Variants in ASB15 observed in about 807,000 individuals in gnomAD.
The protein encoded by ASB15 is ankyrin repeat and SOCS box containing 15, also known as ankyrin repeat and SOCS box protein 15.
ASB15 carries 54 observed loss-of-function variants against 58.0 expected under a neutral mutation model. The observed-to-expected ratio is 0.93, with a 90% CI of 0.75 to 1.17. The LOEUF is 1.17. Ranked by LOEUF, ASB15 falls within the 50% of genes most tolerant of loss-of-function variation. The pLI is 0.00. For synonymous variants in ASB15, 249 were observed against 262.4 expected, an observed-to-expected ratio of 0.95 and a Z score of 0.50; for missense variants, 680 against 707.4, an observed-to-expected ratio of 0.96 and a Z score of 0.44.
Position 123,627,147 on chromosome 7 carries a change from G to C in ASB15, c.735G>C (p.Ser245=), listed in dbSNP as rs201426063. 2 of 1,613,838 alleles carry C rather than the reference G, an allele frequency of 1.2e-6. No individual in the cohort carries two copies. The highest frequency in any genetic ancestry group is 2.2e-5 in the East Asian group (1 of 44,868). The part of the protein sequence containing the change: ...DVLALADDGA[S]VLFEAAGGGN... Reference sequence around the variant, plus strand: ...TTGCTTTGGCGGATGATGGGGCGTCGGTGCTGTTTGAGGCAGCAGGAGGTG... The same window carrying C: ...TTGCTTTGGCGGATGATGGGGCGTCCGTGCTGTTTGAGGCAGCAGGAGGTG... The change falls in exon 9 of 12, where the codon TCG becomes TCC. Residue 245 remains serine (S), a synonymous_variant. Transcript: ENST00000451215.
At chr7:123,569,137 C>T (rs921866667) in intron 1 of ASB15, among the ~76,000 whole-genome samples, 1 of 152,204 alleles carries the variant, frequency 6.6e-6, no homozygotes, top group East Asian at 1.9e-4. Flanking sequence ...ATTCTGGGGA[C>T]CTGTCAGTAA....
intron 1 of ASB15, among the ~76,000 whole-genome samples, chr7:123,587,389 A>G (rs1584736855): frequency 6.6e-6 from 1 of 151,448 alleles, no homozygotes; most frequent in East Asian, 1.9e-4. Flanking sequence ...CTGTAGGTTA[A>G]TTTTGTATCC....
intron 1 of ASB15, among the ~76,000 whole-genome samples, chr7:123,578,791 TTAAAC>T (rs1468911285): frequency 2.6e-5 from 4 of 152,172 alleles, no homozygotes; most frequent in Non-Finnish European, 5.9e-5. Context: ...ATTGCTATCT[TTAAAC>T]TATTTTATAA....
chr7:123,570,969 T>A (rs915078401), intron 1 of ASB15, among the ~76,000 whole-genome samples: 6 of 152,200 alleles, frequency 3.9e-5, no homozygotes, highest in Non-Finnish European at 5.9e-5. Context: ...ATGCCAATAT[T>A]TCCATCTGTA....
At chr7:123,568,820 T>C (rs971741219) in intron 1 of ASB15, among the ~76,000 whole-genome samples, 9 of 152,156 alleles carry the variant, frequency 5.9e-5, no homozygotes, top group Non-Finnish European at 1.5e-5. Flanking sequence ...ATGAATACCT[T>C]AACATAATTT....
Position 123,628,896 on chromosome 7 carries a change from A to G in ASB15, c.902A>G (p.Lys301Arg). Residue 301 changes from lysine (K) to arginine (R), a missense_variant, in exon 10 of 12, where the codon AAA becomes AGA. Transcript: ENST00000451215. ...ALKYLIPVTSKNAIRKSGLTP... is the reference protein window; with the variant it reads ...ALKYLIPVTSRNAIRKSGLTP... Reference sequence around the variant, plus strand: ...AAATATCTTATCCCAGTAACATCTAAAAATGCAATTCGGAAAAGTGGGCTA... The same window carrying G: ...AAATATCTTATCCCAGTAACATCTAGAAATGCAATTCGGAAAAGTGGGCTA... 1.3e-6 allele frequency: 2 copies of G among 1,564,658 alleles called. No individual in the cohort carries two copies. Among genetic ancestry groups the G allele is most frequent in the Non-Finnish European group, 8.6e-7 (1 of 1,156,908 alleles).
chr7:123,577,616 G>A (rs1252035136), intron 1 of ASB15, among the ~76,000 whole-genome samples: 2 of 151,996 alleles, frequency 1.3e-5, no homozygotes, highest in Non-Finnish European at 1.5e-5. Flanking sequence ...CCAAAATGTG[G>A]TCCTCTTAGA....
At chr7:123,601,035 C>T (rs574709947), upstream of ASB15, among the ~76,000 whole-genome samples, 5 of 152,060 alleles carry the variant, frequency 3.3e-5, no homozygotes, top group African/African-American at 1.2e-4. Flanking sequence ...GTCACTGAGA[C>T]CTGCAAAACG....
At chr7:123,582,763 C>T (rs984970865) in intron 1 of ASB15, among the ~76,000 whole-genome samples, 1 of 152,086 alleles carries the variant, frequency 6.6e-6, no homozygotes, top group Middle Eastern at 3.4e-3. Flanking sequence ...TTTTGATCAT[C>T]TATTCATCCC....
chr7:123,584,464 C>G (rs1562911547), intron 1 of ASB15, among the ~76,000 whole-genome samples: 1 of 151,926 alleles, frequency 6.6e-6, no homozygotes, highest in Non-Finnish European at 1.5e-5. Flanking sequence ...AACAACTGCT[C>G]TATGGAAGTC....
intron 1 of ASB15, among the ~76,000 whole-genome samples, chr7:123,585,729 G>A (rs568733121): frequency 1.3e-5 from 2 of 151,398 alleles, no homozygotes; most frequent in South Asian, 4.2e-4. Flanking sequence ...ATTAACTATA[G>A]TTACCATGCT....
chr7:123,591,913 T>A (rs1799549788), intron 1 of ASB15, among the ~76,000 whole-genome samples: 1 of 152,256 alleles, frequency 6.6e-6, no homozygotes, highest in Non-Finnish European at 1.5e-5. Flanking sequence ...AATTTGGCTG[T>A]GAATCCTTCT....
At chr7:123,602,341 C>T (rs921203087) in intron 1 of ASB15, among the ~76,000 whole-genome samples, 2 of 151,870 alleles carry the variant, frequency 1.3e-5, no homozygotes, top group Non-Finnish European at 2.9e-5. Flanking sequence ...ATGCTTTCTG[C>T]CCAGATTGAA....
intron 1 of ASB15, among the ~76,000 whole-genome samples, chr7:123,572,510 T>C (rs568478197): frequency 6.6e-6 from 1 of 152,144 alleles, no homozygotes; most frequent in South Asian, 2.1e-4. Context: ...ATATATTTTA[T>C]GTTCTTTTCA....
At chr7:123,618,631 CAGG>C (rs1427331664) in intron 7 of ASB15, among the ~76,000 whole-genome samples, 1 of 151,684 alleles carries the variant, frequency 6.6e-6, no homozygotes, top group Non-Finnish European at 1.5e-5. Context: ...GGAGCAGGAG[CAGG>C]AGGAGAGGGA....
intron 1 of ASB15, among the ~76,000 whole-genome samples, chr7:123,570,257 A>C (rs574316064): frequency 5.8e-4 from 88 of 151,908 alleles, no homozygotes; most frequent in African/African-American, 1.9e-3. Flanking sequence ...AGGATGGTCT[A>C]GATCTCCTGA....
At chr7:123,568,043 C>T (rs147453741) in intron 1 of ASB15, among the ~76,000 whole-genome samples, 75 of 152,146 alleles carry the variant, frequency 4.9e-4, no homozygotes, top group African/African-American at 1.7e-3. Context: ...ATTTTCAGAA[C>T]TTCATTCTAA....
At chr7:123,635,514 G>A (rs1802372757) in intron 11 of ASB15, among the ~76,000 whole-genome samples, 1 of 146,842 alleles carries the variant, frequency 6.8e-6, no homozygotes, top group South Asian at 2.2e-4. Context: ...TGAAAACACA[G>A]ACTCTACAAT....
At chr7:123,599,677 G>A (rs193231978), upstream of ASB15, among the ~76,000 whole-genome samples, 38 of 152,302 alleles carry the variant, frequency 2.5e-4, no homozygotes, top group Middle Eastern at 3.4e-3. Flanking sequence ...TTCTAACACC[G>A]TGCTTCAACT....
Sources: allele counts gnomAD v4.1 joint callset (sites outside exome capture counted in the v4.1 genomes callset), GRCh38; gene constraint gnomAD v4.1.1; transcripts MANE v1.5; gene names NCBI Gene and HGNC (gene_info 2026-07-23, HGNC 2026-07-21).